MUC3A: variants seen among roughly 807,000 people sequenced by gnomAD.
MUC3A encodes the protein mucin-3A.
A neutral mutation model predicts 109.0 loss-of-function variants in MUC3A; 109 were observed. The observed-to-expected ratio is 1.00, with a 90% confidence interval of 0.86 to 1.17. The LOEUF (loss-of-function observed/expected upper bound fraction) is 1.17. MUC3A is among the 50% of genes most tolerant of loss of function. The pLI is 0.00. For missense variants in MUC3A, 3,537 were observed against 2,469.4 expected (o/e 1.43, Z -9.16); for synonymous variants, 1,398 against 981.4 (o/e 1.42, Z -7.93).
chr7:100,966,269 A>C (rs76336512), intron 8 of MUC3A, 117 bp from the exon 9 acceptor site: 12 of 994,624 alleles, frequency 1.2e-5, no homozygotes, highest in Admixed American at 4.3e-5. Flanking sequence ...CTAGGGTGGA[A>C]CCCCCCGCTG....
rs1430883396 is a variant in MUC3A at position 100,962,258 on chromosome 7, A to C, written c.9053-893A>C. Reference sequence around the variant, plus strand: ...AAAAAAAAAAAAAAAAAAAAAAAAAAAAAAAAAAACTTACCTGGGCATGGT... The same window carrying C: ...AAAAAAAAAAAAAAAAAAAAAAAAACAAAAAAAAACTTACCTGGGCATGGT... On this transcript the variant is annotated intron_variant, in intron 3 of 11. Coordinates refer to ENST00000379458, the MANE Select transcript of MUC3A (RefSeq NM_005960.2). 1.2e-4 allele frequency among the ~76,000 whole-genome samples: 18 copies of C among 150,754 alleles called. 3 individuals carry two copies. The highest frequency in any genetic ancestry group is 2.7e-4 in the Admixed American group (4 of 15,082).
rs977623400 is a variant in MUC3A, at chr7:100,958,003, G to A, written c.6224G>A (p.Ser2075Asn). 1.2e-3 allele frequency: 961 copies of A among 832,150 alleles called. No homozygotes were observed. Among genetic ancestry groups the A allele is most frequent in the Non-Finnish European group, 1.5e-3 (742 of 499,458 alleles). The allele number at this position is 832,150 out of a possible 1,614,324, so 51.5% of individuals were successfully genotyped here. A position where few individuals can be genotyped will look rare whatever the true frequency, so the allele number is the denominator to read the frequency against. The change falls in exon 2 of 12, where the codon AGC (serine) becomes AAC (asparagine). Residue 2075 changes from serine to asparagine, a missense_variant. Physicochemically the swap from Ser to Asn is conservative, Grantham distance 46. Transcript: ENST00000379458. ...ITEITSHSTLSYTTSITTTET... is the reference protein window; with the variant it reads ...ITEITSHSTLNYTTSITTTET... Reference sequence around the variant, plus strand: ...GAGATCACCTCACACAGTACTCTCAGCTACACTACCTCAATCACCACCACC... The same window carrying A: ...GAGATCACCTCACACAGTACTCTCAACTACACTACCTCAATCACCACCACC...
chr7:100,950,714 T>C (rs1563056464), intron 1 of MUC3A, among the ~76,000 whole-genome samples: 1 of 152,308 alleles, frequency 6.6e-6, no homozygotes, highest in East Asian at 1.9e-4. Flanking sequence ...TCTGACAAAT[T>C]GTGAAATGGG....
rs1224018381 is a variant in MUC3A at position 100,957,315 on chromosome 7, A to G, written c.5536A>G (p.Thr1846Ala). The change falls in exon 2 of 12, where the codon ACT becomes GCT. Residue 1846 changes from threonine to alanine, a missense_variant. Physicochemically the swap from Thr to Ala is moderately conservative, Grantham distance 58. Transcript: ENST00000379458. ...TSETTYPTSL[T>A]SALTDSTTRT... ...TGAGACCACCTACCCTACTTCTCTTACTAGTGCTCTCACAGATTCCACGAC... is the reference window on the plus strand; with the variant it reads ...TGAGACCACCTACCCTACTTCTCTTGCTAGTGCTCTCACAGATTCCACGAC... The G allele has an allele frequency of 3.6e-5, 21 of 578,616 alleles. No homozygotes were observed. In the African/African-American group the frequency reaches 4.0e-4, roughly 11 times the overall value. 35.8% of individuals were successfully genotyped at this position (578,616 alleles called of 1,614,324 possible). A position where few individuals can be genotyped will look rare whatever the true frequency, so the allele number is the denominator to read the frequency against.
In MUC3A at chr7:100,967,195, C is replaced by T. The variant is rs746511305; in HGVS notation, c.*33C>T. On this transcript the variant is annotated 3_prime_UTR_variant, in exon 12 of 12. Coordinates refer to ENST00000379458, the MANE Select transcript of MUC3A (RefSeq NM_005960.2). ...GGGGCCCCTTCACCACCCCCTCCGC[C>T]CTGCCCCGGACACAAGGGTCTGCAT... The T allele has an allele frequency of 1.3e-5, 21 of 1,598,376 alleles. No individual in the cohort carries two copies. The highest frequency in any genetic ancestry group is 1.8e-5 in the Non-Finnish European group (21 of 1,179,762).
At position 100,963,610 on chromosome 7, in the gene MUC3A, C is replaced by A; in HGVS notation, c.9169-78C>A. Reference sequence around the variant, plus strand: ...GGGGAGGGGAATTGAAGGGTCTTCCCTGGAGCTGGGGTTGGGCGTCTGGGT... The same window carrying A: ...GGGGAGGGGAATTGAAGGGTCTTCCATGGAGCTGGGGTTGGGCGTCTGGGT... On this transcript the variant is annotated intron_variant, in intron 4 of 11. Coordinates refer to ENST00000379458, the MANE Select transcript of MUC3A (RefSeq NM_005960.2). The A allele has an allele frequency of 1.9e-6, 3 of 1,594,234 alleles. No homozygotes were observed. In the South Asian group the frequency reaches 3.3e-5, roughly 18 times the overall value.
At position 100,959,329 on chromosome 7, in the gene MUC3A, G is replaced by C; in HGVS notation, c.7550G>C (p.Ser2517Thr). Residue 2517 changes from serine (S) to threonine (T), a missense_variant, in exon 2 of 12, where the codon AGT (serine) becomes ACT (threonine). Physicochemically the swap from Ser to Thr is moderately conservative, Grantham distance 58 (BLOSUM62 1). Coordinates refer to ENST00000379458, the MANE Select transcript of MUC3A (RefSeq NM_005960.2). ...TDFPSIPTDI[S>T]TLPTRTHIIS... The stretch of plus-strand genomic sequence containing the variant: ...TTTCCCTCTATACCCACTGATATCA[G>C]TACCTTACCAACTCGAACACACATC... 1 of 1,560,848 alleles carries C rather than the reference G, an allele frequency of 6.4e-7. No homozygotes were observed. Among genetic ancestry groups the C allele is most frequent in the South Asian group, 1.2e-5 (1 of 83,226 alleles).
intron 5 of MUC3A, chr7:100,964,312 T>A (rs142961271): frequency 0.03 from 5,920 of 195,976 alleles, no homozygotes; most frequent in Middle Eastern, 0.06. Flanking sequence ...ATAAAATGAT[T>A]AGCCAGGCAT....
In MUC3A at chr7:100,958,045, G is replaced by C. The variant is rs1792148127; in HGVS notation, c.6266G>C (p.Ser2089Thr). 10 of 1,339,030 alleles carry C rather than the reference G, an allele frequency of 7.5e-6. No individual in the cohort carries two copies. The East Asian group carries it at 2.1e-4, about 28-fold the overall frequency. 82.9% of individuals were successfully genotyped at this position (1,339,030 alleles called of 1,614,324 possible). A position where few individuals can be genotyped will look rare whatever the true frequency, so the allele number is the denominator to read the frequency against. Residue 2089 changes from serine (S) to threonine (T), a missense_variant, in exon 2 of 12, where the codon AGT (serine) becomes ACT (threonine). By Grantham distance (58) the Ser-to-Thr change is moderately conservative. Transcript: ENST00000379458. ...ACCACCACCGAGACCCCCTCACACA[G>C]TACTCTCAGCTTCACTTCTTCAATC... ...SITTTETPSH[S>T]TLSFTSSITT... is the part of the protein sequence containing the mutation.
At position 100,960,636 on chromosome 7, in the gene MUC3A, AC is replaced by A. The variant is rs754819577; in HGVS notation, c.8859del (p.Thr2954LeufsTer64). 3.3e-4 allele frequency: 519 copies of A among 1,596,768 alleles called. No individual in the cohort carries two copies. The African/African-American group carries it at 5.9e-3, about 18-fold the overall frequency. On this transcript the variant is annotated frameshift_variant, in exon 2 of 12. Coordinates refer to ENST00000379458, the MANE Select transcript of MUC3A (RefSeq NM_005960.2). LOFTEE classifies it high-confidence loss of function. The stretch of plus-strand genomic sequence containing the variant: ...GATGACCACACAGTCCACGTTGACC[AC>A]CACTGCAGGTTGGACCTTCTGCCTC... ...SQMTTQSTLTTTAGTCDNGGT... is the reference protein window; with the variant it reads ...SQMTTQSTLTXTAGTCDNGGT...
In MUC3A at chr7:100,966,700, C is replaced by T. The variant is rs1792581525; in HGVS notation, c.9834C>T (p.Val3278=). ...RKWFETWDEE[V]VGTFSNWGFE... ...GGTTCGAGACCTGGGATGAGGAAGT[C>T]GTGGGCACTTTTTCAAACTGGGGTT... is the stretch of plus-strand genomic sequence containing the variant. The change falls in exon 10 of 12, where the codon GTC becomes GTT. Residue 3278 remains valine, a synonymous_variant. Transcript: ENST00000379458. 1.3e-6 allele frequency: 2 copies of T among 1,598,546 alleles called. No homozygotes were observed. Among genetic ancestry groups the T allele is most frequent in the Non-Finnish European group, 1.7e-6 (2 of 1,179,828 alleles).
intron 8 of MUC3A, 133 bp from the exon 9 acceptor site, chr7:100,966,253 C>A: frequency 1.6e-6 from 1 of 629,566 alleles, no homozygotes; most frequent in Non-Finnish European, 2.3e-6. Context: ...ATTCCCAGCC[C>A]CTTGTCTAGG....
At chr7:100,962,665 CTT>C (rs1792368095) in intron 3 of MUC3A, among the ~76,000 whole-genome samples, 1 of 131,570 alleles carries the variant, frequency 7.6e-6, no homozygotes, top group African/African-American at 2.6e-5. Context: ...GTCTCTTTCT[CTT>C]TTCTTTTTTT....
In MUC3A at chr7:100,965,768, C is replaced by G; in HGVS notation, c.9513C>G (p.Thr3171=). Residue 3171 remains threonine, a synonymous_variant, in exon 8 of 12, where the codon ACC becomes ACG. Coordinates refer to ENST00000379458, the MANE Select transcript of MUC3A (RefSeq NM_005960.2). ...TCTACTTCCCCTTGGTGGAGGCCAC[C>G]CGGCTCCGCTGTGTCACCAAATGCA... is the stretch of plus-strand genomic sequence containing the variant. ...EEFYFPLVEA[T]RLRCVTKCTS... is the part of the protein sequence containing the mutation. The G allele has an allele frequency of 6.3e-7, 1 of 1,597,906 alleles. No individual in the cohort carries two copies. Among genetic ancestry groups the G allele is most frequent in the Admixed American group, 1.7e-5 (1 of 59,998 alleles).
At chr7:100,950,174 C>A (rs934534576) in intron 1 of MUC3A, among the ~76,000 whole-genome samples, 7 of 152,296 alleles carry the variant, frequency 4.6e-5, no homozygotes, top group Non-Finnish European at 8.8e-5. Flanking sequence ...TGCCTTTTGT[C>A]CCCCGGCGGC....
In MUC3A at chr7:100,958,396, T is replaced by A; in HGVS notation, c.6617T>A (p.Ile2206Asn). ...ACCTCACACAGTACTCCCAGCTACA[T>A]TACCTCAATCACCACCACCGAGACC... Reference protein sequence around the residue: ...ETTSHSTPSYITSITTTETPS... With the variant: ...ETTSHSTPSYNTSITTTETPS... Residue 2206 changes from isoleucine to asparagine, a missense_variant, in exon 2 of 12, where the codon ATT (isoleucine) becomes AAT (asparagine). By Grantham distance (149) the Ile-to-Asn change is moderately radical. Transcript: ENST00000379458. The A allele has an allele frequency of 4.2e-5, 6 of 141,996 alleles. No homozygotes were observed. The highest frequency in any genetic ancestry group is 7.3e-5 in the Non-Finnish European group (6 of 81,774). 8.8% of individuals were successfully genotyped at this position (141,996 alleles called of 1,614,324 possible). A position where few individuals can be genotyped will look rare whatever the true frequency, so the allele number is the denominator to read the frequency against.
In MUC3A at chr7:100,966,465, C is replaced by CT; in HGVS notation, c.9692dup (p.Thr3232AspfsTer45). 2.2e-6 allele frequency: 3 copies of CT among 1,339,024 alleles called. No homozygotes were observed. The South Asian group carries it at 7.7e-5, about 35-fold the overall frequency. 82.9% of individuals were successfully genotyped at this position (1,339,024 alleles called of 1,614,324 possible). A position where few individuals can be genotyped will look rare whatever the true frequency, so the allele number is the denominator to read the frequency against. Reference sequence around the variant, plus strand: ...CCACTGGAGGGCGCTGGTCGGGGGCCTGACGGCCGGCGCCGCGCTGCTGGT... The same window carrying CT: ...CCACTGGAGGGCGCTGGTCGGGGGCCTTGACGGCCGGCGCCGCGCTGCTGGT... On this transcript the variant is annotated frameshift_variant, in exon 9 of 12. Coordinates refer to ENST00000379458, the MANE Select transcript of MUC3A (RefSeq NM_005960.2). LOFTEE classifies it high-confidence loss of function.
intron 1 of MUC3A, among the ~76,000 whole-genome samples, chr7:100,950,265 G>T (rs4236546): frequency 6.6e-6 from 1 of 152,288 alleles, no homozygotes; most frequent in Non-Finnish European, 1.5e-5. Flanking sequence ...CAGGGCCGGG[G>T]CAGGGAGCTC....
At position 100,965,878 on chromosome 7, in the gene MUC3A, C is replaced by T. The variant is rs1792520357; in HGVS notation, c.9611+12C>T. 2 of 1,587,394 alleles carry T rather than the reference C, an allele frequency of 1.3e-6. No individual in the cohort carries two copies. The highest frequency in any genetic ancestry group is 4.5e-5 in the East Asian group (2 of 44,694). ...GGTCCCACGTGTCGGTAAGGCCCCG[C>T]TCACCATCGGCATCAGCCGAGCCCC... On this transcript the variant is annotated intron_variant, in intron 8 of 11. Coordinates refer to ENST00000379458, the MANE Select transcript of MUC3A (RefSeq NM_005960.2).
Sources: gnomAD v4.1 joint callset for allele counts (sites outside exome capture counted in the v4.1 genomes callset) on GRCh38, gnomAD v4.1.1 for gene constraint, MANE v1.5 for transcripts, NCBI Gene and HGNC (gene_info 2026-07-23, HGNC 2026-07-21) for gene names.